Variants in TG observed in about 807,000 individuals in gnomAD.
TG encodes thyroid hormones.
In TG, 270 loss-of-function variants were observed where a neutral mutation model predicts 324.7. The ratio of observed to expected loss-of-function variants is 0.83; its 90% CI spans 0.75 to 0.92. The LOEUF (loss-of-function observed/expected upper bound fraction) is 0.92. Ranked by LOEUF, TG falls within the 40% of genes least tolerant of loss-of-function variation. The pLI, the probability that TG is intolerant of heterozygous loss-of-function variation, is 0.00. For missense variants in TG, 3,591 were observed against 3,456.4 expected, an observed-to-expected ratio of 1.04 and a Z score of -0.98; for synonymous variants, 1,401 against 1,327.0, an observed-to-expected ratio of 1.06 and a Z score of -1.21.
chr8:133,107,372 AAAAGC>A (rs1849889866), intron 43 of TG, among the ~76,000 whole-genome samples: 1 of 152,188 alleles, frequency 6.6e-6, no homozygotes, highest in Non-Finnish European at 1.5e-5. Context: ...GCAGTCCTTT[AAAAGC>A]ACACACCAAG....
intron 35 of TG, among the ~76,000 whole-genome samples, chr8:132,991,007 T>C (rs1047358557): frequency 2.0e-5 from 3 of 150,722 alleles, no homozygotes; most frequent in Non-Finnish European, 3.0e-5. Context: ...GAGGGAGAAG[T>C]TGAACCTTAG....
At chr8:133,125,729 A>G (rs1223613954) in intron 45 of TG, among the ~76,000 whole-genome samples, 1 of 152,162 alleles carries the variant, frequency 6.6e-6, no homozygotes, top group Non-Finnish European at 1.5e-5. Context: ...CATGAGGCTG[A>G]GTGCGCGCTA....
intron 35 of TG, among the ~76,000 whole-genome samples, chr8:132,986,413 T>TAC (rs1831559297): frequency 6.7e-6 from 1 of 150,190 alleles, no homozygotes; most frequent in African/African-American, 2.5e-5. Flanking sequence ...TGTATGTGTA[T>TAC]ATATATATGT....
intron 44 of TG, among the ~76,000 whole-genome samples, chr8:133,114,387 G>C (rs943809906): frequency 6.6e-6 from 1 of 152,128 alleles, no homozygotes; most frequent in African/African-American, 2.4e-5. Flanking sequence ...CTTGCAGCAC[G>C]CCCCCGGCCC....
intron 5 of TG, among the ~76,000 whole-genome samples, chr8:132,877,589 T>C (rs1263781952): frequency 6.6e-6 from 1 of 152,198 alleles, no homozygotes; most frequent in Non-Finnish European, 1.5e-5. Flanking sequence ...ACTCTGCGAA[T>C]GAACAAGACC....
chr8:132,943,315 C>G (rs139459581), intron 26 of TG, among the ~76,000 whole-genome samples: 2 of 152,206 alleles, frequency 1.3e-5, no homozygotes, highest in East Asian at 3.9e-4. Flanking sequence ...CTCTCTAACT[C>G]CTGATCTCCT....
chr8:132,888,323 A>G lies in TG; in HGVS notation c.2516A>G (p.Tyr839Cys). The change falls in exon 10 of 48, where the codon TAC becomes TGC. Residue 839 changes from tyrosine to cysteine, a missense_variant. By Grantham distance (194) the Tyr-to-Cys change is radical. Transcript: ENST00000220616. ...GATGTCTTCCCGGTGCTGTCACAATACCCTTCTCTGCAAGATGTCCCACTA... is the reference window on the plus strand; with the variant it reads ...GATGTCTTCCCGGTGCTGTCACAATGCCCTTCTCTGCAAGATGTCCCACTA... ...QQDVFPVLSQ[Y>C]PSLQDVPLAA... 6.2e-7 allele frequency: 1 copy of G among 1,613,932 alleles called. No individual in the cohort carries two copies. The highest frequency in any genetic ancestry group is 8.5e-7 in the Non-Finnish European group (1 of 1,179,986).
rs2132377736 is a variant in TG at position 132,911,515 on chromosome 8, C to T, written c.4141C>T (p.Pro1381Ser). ...RLEDIPVASL[P>S]DLHDIERALV... ...TGAGGACATCCCAGTGGCTTCTCTTCCTGACTTACATGACATTGGTATGTT... is the reference window on the plus strand; with the variant it reads ...TGAGGACATCCCAGTGGCTTCTCTTTCTGACTTACATGACATTGGTATGTT... The change falls in exon 19 of 48, where the codon CCT becomes TCT. Residue 1381 changes from proline to serine, a missense_variant. By Grantham distance (74) the Pro-to-Ser change is moderately conservative. Coordinates refer to ENST00000220616, the MANE Select transcript of TG (RefSeq NM_003235.5). 1 of 1,614,022 alleles carries T rather than the reference C, an allele frequency of 6.2e-7. No homozygotes were observed. The highest frequency in any genetic ancestry group is 1.1e-5 in the South Asian group (1 of 91,076).
chr8:132,906,613 C>T (rs1818718955), intron 16 of TG, 75 bp from the exon 17 acceptor site: 1 of 1,546,048 alleles, frequency 6.5e-7, no homozygotes. Context: ...GAGAAGGAGA[C>T]ACCCACAAGC....
Position 133,022,039 on chromosome 8 carries a change from G to T in TG, c.6925G>T (p.Glu2309Ter). 1 of 1,614,206 alleles carries T rather than the reference G, an allele frequency of 6.2e-7. No homozygotes were observed. The highest frequency in any genetic ancestry group is 1.3e-5 in the African/African-American group (1 of 75,060). ...GTTCTTCCACAACACCATGGACAGG[G>T]AGGAGAGTGAAGGATGGCCGGCTAT... ...LVFFHNTMDR[E>*]ESEGWPAIDG... Residue 2309 changes from glutamate to a stop codon, truncating the protein, a stop_gained, in exon 40 of 48, where the codon GAG becomes TAG. Transcript: ENST00000220616. LOFTEE classifies it high-confidence loss of function.
rs141161846 is a variant in TG at position 133,080,654 on chromosome 8, G to C, written c.7240-14390G>C. ...CCTGGCATTCAAAGCTCATCAATCT[G>C]TTCTCCACCCTCCTTATCAGCCCCA... On this transcript the variant is annotated intron_variant, in intron 41 of 47. Coordinates refer to ENST00000220616, the MANE Select transcript of TG (RefSeq NM_003235.5). Among the ~76,000 whole-genome samples the C allele has an allele frequency of 1.3e-3, 204 of 152,200 alleles. 2 individuals are homozygous for C. The highest frequency in any genetic ancestry group is 4.6e-3 in the Admixed American group (70 of 15,284).
chr8:133,070,010 A>G (rs1431003418), intron 41 of TG, among the ~76,000 whole-genome samples: 5 of 118,554 alleles, frequency 4.2e-5, no homozygotes, highest in Non-Finnish European at 9.5e-5. Flanking sequence ...CCAAAAAAAA[A>G]AAAAAAAAAA....
At chr8:133,132,381 C>T (rs1294825077) in intron 46 of TG, among the ~76,000 whole-genome samples, 1 of 152,166 alleles carries the variant, frequency 6.6e-6, no homozygotes, top group Admixed American at 6.5e-5. Context: ...TGGAGGAGAG[C>T]CACTGTCTCT....
At chr8:132,939,893 C>G (rs1824187388) in intron 25 of TG, among the ~76,000 whole-genome samples, 2 of 152,152 alleles carry the variant, frequency 1.3e-5, no homozygotes, top group Admixed American at 6.5e-5. Flanking sequence ...CCCGGCTAGT[C>G]TTGAACTCCT....
At chr8:132,868,265 C>A (rs1177588275) in intron 2 of TG, 42 bp downstream of exon 2, 2 of 1,568,662 alleles carry the variant, frequency 1.3e-6, no homozygotes, top group Non-Finnish European at 1.8e-6. Flanking sequence ...GTCCAAGATG[C>A]CATAAAAAGC....
intron 35 of TG, among the ~76,000 whole-genome samples, chr8:132,993,055 T>G (rs1832526688): frequency 6.6e-6 from 1 of 152,236 alleles, no homozygotes. Context: ...TGTTAGATTT[T>G]GGGCTCCCAG....
chr8:132,893,936 G>A lies in TG; in HGVS notation c.3001+7G>A. The A allele has an allele frequency of 6.2e-7, 1 of 1,614,042 alleles. No individual in the cohort carries two copies. The highest frequency in any genetic ancestry group is 8.5e-7 in the Non-Finnish European group (1 of 1,179,950). On this transcript the variant is annotated splice_region_variant and intron_variant, in intron 11 of 47. Coordinates refer to ENST00000220616, the MANE Select transcript of TG (RefSeq NM_003235.5). ...CGCCTGGCGGCTCAGTCTAGTGAGTGTGGTGCCCTTCAGCTTTCTTACTGC... is the reference window on the plus strand; with the variant it reads ...CGCCTGGCGGCTCAGTCTAGTGAGTATGGTGCCCTTCAGCTTTCTTACTGC...
chr8:132,877,751 C>T (rs1358310264), intron 5 of TG, among the ~76,000 whole-genome samples: 1 of 152,162 alleles, frequency 6.6e-6, no homozygotes, highest in Non-Finnish European at 1.5e-5. Flanking sequence ...TCTATGGCCA[C>T]CCTGAGATTT....
intron 18 of TG, among the ~76,000 whole-genome samples, chr8:132,910,994 C>T (rs1819439255): frequency 1.3e-5 from 2 of 152,180 alleles, no homozygotes; most frequent in East Asian, 1.9e-4. Context: ...GACCAGGCTG[C>T]ATAGCCAACA....
Sources: gnomAD v4.1 joint callset for allele counts (sites outside exome capture counted in the v4.1 genomes callset) on GRCh38, gnomAD v4.1.1 for gene constraint, MANE v1.5 for transcripts, NCBI Gene and HGNC (gene_info 2026-07-23, HGNC 2026-07-21) for gene names.